The following LATS2 variants were observed in gnomAD, a reference collection of about 807,000 sequenced individuals.
LATS2 encodes serine/threonine-protein kinase LATS2.
Under a neutral mutation model 76.0 loss-of-function variants are expected in LATS2, and 24 were observed. The ratio of observed to expected loss-of-function variants is 0.32; its 90% CI spans 0.23 to 0.44. The LOEUF is 0.44. Ranked by LOEUF, LATS2 falls within the 20% of genes least tolerant of loss-of-function variation. LATS2 has a pLI of 1.00. For synonymous variants in LATS2, 692 were observed against 635.4 expected (o/e 1.09, Z -1.34); for missense variants, 1,286 against 1,481.2 (o/e 0.87, Z 2.16).
intron 2 of LATS2, among the ~76,000 whole-genome samples, chr13:21,024,960 G>A (rs1872250062): frequency 6.6e-6 from 1 of 152,128 alleles, no homozygotes; most frequent in African/African-American, 2.4e-5. Context: ...TTTATGTACA[G>A]CCCTGCAGAC....
chr13:20,987,291 C>T (rs1476898587), intron 4 of LATS2, among the ~76,000 whole-genome samples: 2 of 152,056 alleles, frequency 1.3e-5, no homozygotes, highest in Admixed American at 6.6e-5. Flanking sequence ...GAAAAGAACA[C>T]AAATCTGGTT....
In LATS2 at chr13:21,024,415, G is replaced by A. The variant is rs1456660375; in HGVS notation, c.342+21270C>T. On this transcript the variant is annotated intron_variant, in intron 2 of 7. Transcript: ENST00000382592. ...CGCGCCACTGTACCCCAGCCTGGGC[G>A]ACAGAGTGAGACTCTGAATGATAAT... 1.3e-5 allele frequency among the ~76,000 whole-genome samples: 2 copies of A among 152,110 alleles called. 1 individual carries two copies. The highest frequency in any genetic ancestry group is 3.9e-4 in the East Asian group (2 of 5,190).
rs9509490 is a variant in LATS2, at chr13:21,024,583, A to T, written c.342+21102T>A. On this transcript the variant is annotated intron_variant, in intron 2 of 7. Transcript: ENST00000382592. Reference sequence around the variant, plus strand: ...GGGAGCTCTTCCTGCATAGCGCCTCACGGATGACATCTCACTTTGACGGTC... The same window carrying T: ...GGGAGCTCTTCCTGCATAGCGCCTCTCGGATGACATCTCACTTTGACGGTC... Among the ~76,000 whole-genome samples the T allele has an allele frequency of 7.3e-3, 1,095 of 149,856 alleles. 11 individuals carry two copies. The highest frequency in any genetic ancestry group is 0.011 in the Non-Finnish European group (768 of 67,904).
Position 20,974,814 on chromosome 13 carries a change from CG to C in LATS2, c.*55del. 6.5e-7 allele frequency: 1 copy of C among 1,537,314 alleles called. No homozygotes were observed. ...CTTCCCTATTGGCCTGTGAGGGCAC[CG>C]GCTCCGGGACCCTGACCTGGGAGGC... is the stretch of plus-strand genomic sequence containing the variant. On this transcript the variant is annotated 3_prime_UTR_variant, in exon 8 of 8. Coordinates refer to ENST00000382592, the MANE Select transcript of LATS2 (RefSeq NM_014572.3).
intron 2 of LATS2, among the ~76,000 whole-genome samples, chr13:21,023,329 A>G (rs1171295194): frequency 6.6e-6 from 1 of 151,824 alleles, no homozygotes; most frequent in African/African-American, 2.4e-5. Context: ...GTCTCCTGAC[A>G]CACTGGGACC....
chr13:21,020,364 T>G (rs1050415685), intron 2 of LATS2, among the ~76,000 whole-genome samples: 1 of 152,220 alleles, frequency 6.6e-6, no homozygotes, highest in Admixed American at 6.5e-5. Context: ...AAACCTCAAT[T>G]GCTTTTGCAC....
At chr13:20,987,298 G>C (rs1490267806) in intron 4 of LATS2, among the ~76,000 whole-genome samples, 5 of 152,018 alleles carry the variant, frequency 3.3e-5, no homozygotes, top group African/African-American at 7.2e-5. Flanking sequence ...ACACAAATCT[G>C]GTTTTCAGGC....
intron 2 of LATS2, among the ~76,000 whole-genome samples, chr13:21,019,385 G>A (rs1385047448): frequency 6.7e-6 from 1 of 149,686 alleles, no homozygotes; most frequent in East Asian, 2.0e-4. Flanking sequence ...GGAGTGCAGT[G>A]GCGCAATCTC....
At chr13:21,059,950 G>C (rs905710954) in intron 1 of LATS2, among the ~76,000 whole-genome samples, 2 of 152,230 alleles carry the variant, frequency 1.3e-5, no homozygotes, top group African/African-American at 4.8e-5. Context: ...GGGAGACAGA[G>C]CGAGATCTTG....
chr13:20,989,380 CA>C, intron 3 of LATS2, 76 bp from the exon 4 acceptor site: 1 of 1,486,154 alleles, frequency 6.7e-7, no homozygotes, highest in Admixed American at 1.7e-5. Context: ...GGCTGGTCCC[CA>C]CTCTAGCGCT....
intron 2 of LATS2, among the ~76,000 whole-genome samples, chr13:21,019,324 T>C (rs1251148779): frequency 6.8e-6 from 1 of 147,720 alleles, no homozygotes; most frequent in East Asian, 2.0e-4. Context: ...TTATTATTAT[T>C]ATTATTATTA....
Position 20,974,828 on chromosome 13 carries a change from T to A in LATS2, c.*42A>T. The A allele has an allele frequency of 6.4e-7, 1 of 1,563,246 alleles. No individual in the cohort carries two copies. The highest frequency in any genetic ancestry group is 8.6e-7 in the Non-Finnish European group (1 of 1,156,336). ...TGTGAGGGCACCGGCTCCGGGACCC[T>A]GACCTGGGAGGCAGCGAGTGGTGGG... On this transcript the variant is annotated 3_prime_UTR_variant, in exon 8 of 8. Coordinates refer to ENST00000382592, the MANE Select transcript of LATS2 (RefSeq NM_014572.3).
Position 20,988,010 on chromosome 13 carries a change from T to C in LATS2, c.1770A>G (p.Arg590=). The C allele has an allele frequency of 6.2e-7, 1 of 1,614,246 alleles. No individual in the cohort carries two copies. The highest frequency in any genetic ancestry group is 8.5e-7 in the Non-Finnish European group (1 of 1,180,044). The change falls in exon 4 of 8, where the codon AGA becomes AGG. Residue 590 remains arginine, a synonymous_variant. Transcript: ENST00000382592. The stretch of plus-strand genomic sequence containing the variant: ...GCGAGTAGCTCTTGATGCGTGACTC[T>C]CTCTTCTCTTCGTCTCTGCTGTTTT... The part of the protein sequence containing the change: ...VRKNSRDEEK[R]ESRIKSYSPY...
chr13:20,985,459 C>G (rs891767252), intron 4 of LATS2, among the ~76,000 whole-genome samples: 2 of 152,202 alleles, frequency 1.3e-5, no homozygotes, highest in African/African-American at 2.4e-5. Context: ...AGCCAAAAGG[C>G]CAGATATGGT....
chr13:21,057,786 C>T (rs745781371), intron 1 of LATS2, among the ~76,000 whole-genome samples: 1 of 147,324 alleles, frequency 6.8e-6, no homozygotes, highest in African/African-American at 2.5e-5. Context: ...GGTGACAGAG[C>T]GAGACTCCAT....
chr13:21,047,878 A>T (rs780010287), intron 1 of LATS2, among the ~76,000 whole-genome samples: 18 of 152,190 alleles, frequency 1.2e-4, no homozygotes, highest in Non-Finnish European at 2.4e-4. Context: ...AAGCGTTTTA[A>T]CTATCCCCTT....
intron 1 of LATS2, among the ~76,000 whole-genome samples, chr13:21,049,512 G>A (rs373045868): frequency 1.3e-5 from 2 of 152,194 alleles, no homozygotes; most frequent in East Asian, 3.9e-4. Flanking sequence ...CCAGGTGAGT[G>A]GATGGCTGAG....
Position 21,034,732 on chromosome 13 carries a change from G to C in LATS2, c.342+10953C>G, listed in dbSNP as rs369559801. Among the ~76,000 whole-genome samples the C allele has an allele frequency of 2.1e-3, 295 of 141,806 alleles. 4 individuals are homozygous for C. The South Asian group carries it at 0.037, about 18-fold the overall frequency. 93.0% of individuals were successfully genotyped at this position (141,806 alleles called of 152,430 possible). On this transcript the variant is annotated intron_variant, in intron 2 of 7. Coordinates refer to ENST00000382592, the MANE Select transcript of LATS2 (RefSeq NM_014572.3). ...GCTTCTGACACCTGGGGCCGCTGCC[G>C]AGCCTACACAGCTAGGCTCGTTGCT...
In LATS2 at chr13:21,004,434, C is replaced by CAAA. The variant is rs11423103; in HGVS notation, c.343-13033_343-13031dup. On this transcript the variant is annotated intron_variant, in intron 2 of 7. Transcript: ENST00000382592. ...GGGCAACAAGAGCGAAACACTGTCT[C>CAAA]AAAAAAAAAAAAAAAAGCTTCTGTA... Among the ~76,000 whole-genome samples, 6 of 108,482 alleles carry CAAA rather than the reference C, an allele frequency of 5.5e-5. No homozygotes were observed. In the South Asian group the frequency reaches 1.9e-3, roughly 34 times the overall value. 71.2% of individuals were successfully genotyped at this position (108,482 alleles called of 152,430 possible).
Sources: gnomAD v4.1 joint callset for allele counts (sites outside exome capture counted in the v4.1 genomes callset) on GRCh38, gnomAD v4.1.1 for gene constraint, MANE v1.5 for transcripts, NCBI Gene and HGNC (gene_info 2026-07-23, HGNC 2026-07-21) for gene names.